OSBPL10: variants seen among roughly 807,000 people sequenced by gnomAD.
OSBPL10 encodes oxysterol-binding protein-related protein 10.
A neutral mutation model predicts 81.7 loss-of-function variants in OSBPL10; 49 were observed. The ratio of observed to expected loss-of-function variants is 0.60; its 90% CI spans 0.48 to 0.76. OSBPL10 has a LOEUF of 0.76. OSBPL10 is among the 30% of genes least tolerant of loss of function. The pLI, the probability that OSBPL10 is intolerant of heterozygous loss-of-function variation, is 0.00. For missense variants in OSBPL10, 923 were observed against 987.8 expected, an observed-to-expected ratio of 0.93 and a Z score of 0.88; for synonymous variants, 419 against 383.6, an observed-to-expected ratio of 1.09 and a Z score of -1.08.
At chr3:31,713,238 T>C (rs1696323607) in intron 6 of OSBPL10, among the ~76,000 whole-genome samples, 1 of 152,116 alleles carries the variant, frequency 6.6e-6, no homozygotes, top group Non-Finnish European at 1.5e-5. Flanking sequence ...TTGATCACGC[T>C]CCCCTCCTTG....
intron 1 of OSBPL10, among the ~76,000 whole-genome samples, chr3:31,900,938 A>T (rs1051286902): frequency 2.6e-5 from 4 of 152,246 alleles, no homozygotes; most frequent in Admixed American, 1.3e-4. Flanking sequence ...CTAATTTATT[A>T]AAGTGTTAAT....
chr3:31,742,695 T>G (rs1697391184), intron 5 of OSBPL10, among the ~76,000 whole-genome samples: 1 of 152,170 alleles, frequency 6.6e-6, no homozygotes, highest in South Asian at 2.1e-4. Context: ...TTACCTAGAC[T>G]AAGACTTGCA....
Position 31,661,935 on chromosome 3 carries a change from A to G in OSBPL10, c.*137T>C, listed in dbSNP as rs1700080616. The stretch of plus-strand genomic sequence containing the variant: ...TGTGGGGGTGCACTTTTCATAGTAT[A>G]TAATTTCTCTCTCTCTCATCATTTC... On this transcript the variant is annotated 3_prime_UTR_variant, in exon 12 of 12. Transcript: ENST00000396556. 3.8e-6 allele frequency: 5 copies of G among 1,302,102 alleles called. No individual in the cohort carries two copies. Among genetic ancestry groups the G allele is most frequent in the Admixed American group, 4.5e-5 (2 of 44,542 alleles). 80.7% of individuals were successfully genotyped at this position (1,302,102 alleles called of 1,614,324 possible).
chr3:31,879,577 C>A lies in OSBPL10; in HGVS notation c.457+78G>T, dbSNP rs541060581. ...AACTGTCAAAGGCAATTTAAAAAAA[C>A]AAAAAATCAAAAAACAAGAGAGCCA... On this transcript the variant is annotated intron_variant, in intron 2 of 11. Coordinates refer to ENST00000396556, the MANE Select transcript of OSBPL10 (RefSeq NM_017784.5). The A allele has an allele frequency of 3.9e-3, 5,767 of 1,461,072 alleles. 5 individuals are homozygous for A. The highest frequency in any genetic ancestry group is 4.9e-3 in the Non-Finnish European group (5,281 of 1,084,954). The allele number at this position is 1,461,072 out of a possible 1,614,324, so 90.5% of individuals were successfully genotyped here. A position where few individuals can be genotyped will look rare whatever the true frequency, so the allele number is the denominator to read the frequency against.
At chr3:32,047,783 C>T (rs1699636057) in intron 1 of OSBPL10, among the ~76,000 whole-genome samples, 1 of 152,022 alleles carries the variant, frequency 6.6e-6, no homozygotes, top group South Asian at 2.1e-4. Context: ...CTGCCTCAGC[C>T]TCCCGAGTAG....
chr3:31,858,510 G>A (rs919148850), intron 3 of OSBPL10, among the ~76,000 whole-genome samples: 2 of 152,014 alleles, frequency 1.3e-5, no homozygotes, highest in Non-Finnish European at 2.9e-5. Context: ...TCAGTGTCTG[G>A]CTCTGTACTA....
chr3:32,039,777 A>T (rs1699554304), intron 2 of OSBPL10, among the ~76,000 whole-genome samples: 1 of 152,206 alleles, frequency 6.6e-6, no homozygotes, highest in Admixed American at 6.5e-5. Flanking sequence ...GTATTCTATA[A>T]CTGGAGAAAT....
chr3:31,902,258 ATTTTTTTTTT>A (rs574112153), intron 1 of OSBPL10, among the ~76,000 whole-genome samples: 26 of 117,958 alleles, frequency 2.2e-4, no homozygotes, highest in African/African-American at 8.7e-4. Context: ...TCTTGTCAGT[ATTTTTTTTTT>A]TTTTTTTTTT....
chr3:31,961,621 G>T (rs1698164986), intron 1 of OSBPL10, among the ~76,000 whole-genome samples: 1 of 152,072 alleles, frequency 6.6e-6, no homozygotes, highest in Non-Finnish European at 1.5e-5. Context: ...ATTTTTTAGA[G>T]ACAGGGTCTC....
chr3:31,689,976 G>A lies in OSBPL10; in HGVS notation c.1246-5862C>T, dbSNP rs189825559. On this transcript the variant is annotated intron_variant, in intron 7 of 11. Coordinates refer to ENST00000396556, the MANE Select transcript of OSBPL10 (RefSeq NM_017784.5). Reference sequence around the variant, plus strand: ...GAACTAGAGAGAAAAATGGAAGGAGGAAGGTGGGAGGAGGGGAGGAGAGAG... The same window carrying A: ...GAACTAGAGAGAAAAATGGAAGGAGAAAGGTGGGAGGAGGGGAGGAGAGAG... Among the ~76,000 whole-genome samples the A allele has an allele frequency of 7.0e-4, 107 of 152,344 alleles. 1 individual carries two copies. The highest frequency in any genetic ancestry group is 2.4e-3 in the African/African-American group (101 of 41,578).
At chr3:31,836,466 A>T (rs1340139515) in intron 3 of OSBPL10, among the ~76,000 whole-genome samples, 1 of 152,208 alleles carries the variant, frequency 6.6e-6, no homozygotes, top group African/African-American at 2.4e-5. Context: ...ATAGTGGGAA[A>T]CAAAACTTGA....
intron 1 of OSBPL10, among the ~76,000 whole-genome samples, chr3:31,962,930 G>C (rs1698208078): frequency 6.6e-6 from 1 of 152,174 alleles, no homozygotes; most frequent in Non-Finnish European, 1.5e-5. Context: ...GCAATACAAT[G>C]ACTTGCTTTC....
intron 2 of OSBPL10, among the ~76,000 whole-genome samples, chr3:32,028,454 C>A (rs1160485702): frequency 5.9e-5 from 9 of 152,192 alleles, no homozygotes; most frequent in Admixed American, 3.9e-4. Flanking sequence ...TTTACTTCAA[C>A]CTTTAAATCC....
intron 1 of OSBPL10, among the ~76,000 whole-genome samples, chr3:32,059,097 G>C (rs529283246): frequency 3.3e-5 from 5 of 152,272 alleles, no homozygotes; most frequent in South Asian, 4.1e-4. Context: ...AGGAGTTTAA[G>C]ACCAGCCTGG....
chr3:31,665,586 G>GCA (rs1700169927), intron 10 of OSBPL10, among the ~76,000 whole-genome samples: 1 of 152,148 alleles, frequency 6.6e-6, no homozygotes, highest in South Asian at 2.1e-4. Flanking sequence ...AACCCCAGCT[G>GCA]CACACACACA....
At position 31,940,618 on chromosome 3, in the gene OSBPL10, C is replaced by T. The variant is rs533326288; in HGVS notation, c.281+40281G>A. Among the ~76,000 whole-genome samples, 26 of 152,284 alleles carry T rather than the reference C, an allele frequency of 1.7e-4. No individual in the cohort carries two copies. The South Asian group carries it at 5.2e-3, about 30-fold the overall frequency. On this transcript the variant is annotated intron_variant, in intron 1 of 11. Coordinates refer to ENST00000396556, the MANE Select transcript of OSBPL10 (RefSeq NM_017784.5). The stretch of plus-strand genomic sequence containing the variant: ...GATTCTCTGTACTCCTTCTTCGTCA[C>T]CTTCCTTCACAGGCTACCCTGCTCT...
intron 4 of OSBPL10, among the ~76,000 whole-genome samples, chr3:31,823,941 G>A (rs1302118094): frequency 6.6e-6 from 1 of 151,884 alleles, no homozygotes; most frequent in African/African-American, 2.4e-5. Context: ...AGCCTCCACT[G>A]CCCAGGCTCA....
chr3:31,797,165 T>C (rs910529061), intron 4 of OSBPL10, among the ~76,000 whole-genome samples: 1 of 151,984 alleles, frequency 6.6e-6, no homozygotes. Flanking sequence ...CAGCTAATTT[T>C]TGTATCTTTA....
At chr3:31,965,809 T>G (rs1220219748) in intron 1 of OSBPL10, among the ~76,000 whole-genome samples, 3 of 62,930 alleles carry the variant, frequency 4.8e-5, no homozygotes, top group African/African-American at 2.8e-4. Context: ...TATCTATTTA[T>G]ATAATATATA....
Sources: allele counts gnomAD v4.1 joint callset (sites outside exome capture counted in the v4.1 genomes callset), GRCh38; gene constraint gnomAD v4.1.1; transcripts MANE v1.5; gene names NCBI Gene and HGNC (gene_info 2026-07-23, HGNC 2026-07-21).